COL6A5: variants seen among roughly 807,000 people sequenced by gnomAD.
COL6A5 encodes collagen alpha-5(VI) chain.
Under a neutral mutation model 65.6 loss-of-function variants are expected in COL6A5, and 48 were observed. The ratio of observed to expected loss-of-function variants is 0.73; its 90% CI spans 0.58 to 0.93. The LOEUF (loss-of-function observed/expected upper bound fraction) is 0.93, where lower values mean the gene tolerates loss of function less well. Ranked by LOEUF, COL6A5 falls within the 40% of genes least tolerant of loss-of-function variation. The pLI is 0.00. For missense variants in COL6A5, 914 were observed against 928.3 expected (o/e 0.98, Z 0.20); for synonymous variants, 291 against 322.8 (o/e 0.90, Z 1.05).
intron 24 of COL6A5, among the ~76,000 whole-genome samples, chr3:130,418,452 C>T (rs1386423935): frequency 6.6e-6 from 1 of 152,108 alleles, no homozygotes; most frequent in African/African-American, 2.4e-5. Context: ...TTCCATAGCA[C>T]CCTGAACCTT....
At chr3:130,440,368 G>A in exon 3 of COL6A5, 1 of 1,613,492 alleles carries the variant, frequency 6.2e-7, no homozygotes. Flanking sequence ...GGATTGCTTT[G>A]TTGAGCTATT....
At chr3:130,484,148 A>G in exon 8 of COL6A5, 2 of 1,218,216 alleles carry the variant, frequency 1.6e-6, no homozygotes, top group African/African-American at 1.5e-5. Context: ...ACTGTGGTAA[A>G]TGACAGGGAC....
In COL6A5 at chr3:130,471,709, G is replaced by C. The variant is rs779033196; in HGVS notation, c.2328+742G>C. 16 of 1,534,610 alleles carry C rather than the reference G, an allele frequency of 1.0e-5. No individual in the cohort carries two copies. In the South Asian group the frequency reaches 1.7e-4, roughly 16 times the overall value. ...TTCTTCCTGGGATATATGAAATAAAGACAGAAAATGGTGATCTGTTTGATG... is the reference window on the plus strand; with the variant it reads ...TTCTTCCTGGGATATATGAAATAAACACAGAAAATGGTGATCTGTTTGATG... On this transcript the variant is annotated intron_variant, in intron 7 of 7. Transcript: ENST00000512836.
At chr3:130,387,375 A>G (rs1577455144) in intron 5 of COL6A5, among the ~76,000 whole-genome samples, 1 of 152,122 alleles carries the variant, frequency 6.6e-6, no homozygotes, top group Non-Finnish European at 1.5e-5. Flanking sequence ...TCTGTCACAA[A>G]TAGATACCAG....
intron 1 of COL6A5, among the ~76,000 whole-genome samples, chr3:130,360,278 C>T (rs921192425): frequency 5.9e-5 from 9 of 152,064 alleles, no homozygotes; most frequent in Non-Finnish European, 1.2e-4. Flanking sequence ...TTCCTGTACT[C>T]TAATGCCAAT....
chr3:130,476,084 TG>T (rs1309778657), intron 7 of COL6A5, among the ~76,000 whole-genome samples: 6 of 152,206 alleles, frequency 3.9e-5, no homozygotes, highest in African/African-American at 1.4e-4. Context: ...GACCATAGAC[TG>T]GGTGGCTTAA....
intron 29 of COL6A5, among the ~76,000 whole-genome samples, chr3:130,424,786 T>C (rs185190887): frequency 1.3e-5 from 2 of 152,258 alleles, no homozygotes; most frequent in Admixed American, 1.3e-4. Flanking sequence ...TTCCTAGTTA[T>C]GCGAGTGAGA....
intron 8 of COL6A5, among the ~76,000 whole-genome samples, chr3:130,396,329 A>G (rs963896916): frequency 6.6e-6 from 1 of 152,206 alleles, no homozygotes; most frequent in Non-Finnish European, 1.5e-5. Context: ...TAGTCTTTCC[A>G]AACTCTCCAC....
chr3:130,374,399 C>T (rs1048171924), intron 2 of COL6A5, among the ~76,000 whole-genome samples: 2 of 152,094 alleles, frequency 1.3e-5, no homozygotes, highest in African/African-American at 2.4e-5. Flanking sequence ...ATACCTTGCA[C>T]TACCACATTA....
chr3:130,419,786 G>T (rs1937471374), intron 25 of COL6A5, among the ~76,000 whole-genome samples: 1 of 151,994 alleles, frequency 6.6e-6, no homozygotes, highest in East Asian at 2.0e-4. Context: ...GTTGGTCAAA[G>T]TATACAAAAT....
chr3:130,383,317 A>G (rs1936071022), intron 4 of COL6A5, among the ~76,000 whole-genome samples: 1 of 152,094 alleles, frequency 6.6e-6, no homozygotes, highest in Non-Finnish European at 1.5e-5. Flanking sequence ...ACATTTTAAT[A>G]GCAACATGTG....
At chr3:130,395,334 A>T in exon 8 of COL6A5, 1 of 1,550,930 alleles carries the variant, frequency 6.4e-7, no homozygotes, top group Non-Finnish European at 8.7e-7. Flanking sequence ...GGAGATGTTT[A>T]TAAGGAACAT....
intron 5 of COL6A5, 101 bp downstream of exon 5, chr3:130,385,465 G>T (rs1260015738): frequency 8.9e-6 from 11 of 1,234,190 alleles, no homozygotes; most frequent in African/African-American, 1.5e-5. Context: ...CAGTTGTCCG[G>T]ATAACATTTT....
rs910306319 is a variant in COL6A5 at position 130,370,553 on chromosome 3, A to G, written c.-28-3058A>G. On this transcript the variant is annotated intron_variant and NMD_transcript_variant, in intron 1 of 41. Transcript: ENST00000312481. ...GTTCCCAGGCATATATTACTTGCCA[A>G]GGGAATTAAAATAAGCTTATATCTG... is the stretch of plus-strand genomic sequence containing the variant. 1.6e-4 allele frequency among the ~76,000 whole-genome samples: 24 copies of G among 152,336 alleles called. No homozygotes were observed. In the East Asian group the frequency reaches 4.4e-3, roughly 28 times the overall value.
intron 1 of COL6A5, among the ~76,000 whole-genome samples, chr3:130,439,184 C>T (rs906202711): frequency 5.3e-5 from 8 of 152,036 alleles, no homozygotes; most frequent in Non-Finnish European, 8.8e-5. Context: ...CAAATTTAGT[C>T]CAGAATTGCA....
At chr3:130,418,320 C>G (rs557498407) in intron 24 of COL6A5, among the ~76,000 whole-genome samples, 1 of 152,146 alleles carries the variant, frequency 6.6e-6, no homozygotes, top group African/African-American at 2.4e-5. Context: ...ATCACTCTCA[C>G]CCCTTTCTTG....
chr3:130,450,335 A>T (rs1041762602), intron 4 of COL6A5, among the ~76,000 whole-genome samples: 1 of 152,114 alleles, frequency 6.6e-6, no homozygotes, highest in African/African-American at 2.4e-5. Flanking sequence ...ACGTGGGCAA[A>T]CAGTAGGAGC....
intron 1 of COL6A5, among the ~76,000 whole-genome samples, chr3:130,435,780 G>C (rs1938014615): frequency 6.6e-6 from 1 of 152,084 alleles, no homozygotes; most frequent in African/African-American, 2.4e-5. Flanking sequence ...TTTGCACATC[G>C]ATTTTGTATC....
chr3:130,398,262 C>G (rs921719970), intron 10 of COL6A5, among the ~76,000 whole-genome samples, 151 bp downstream of exon 10: 3 of 151,466 alleles, frequency 2.0e-5, no homozygotes, highest in African/African-American at 7.3e-5. Flanking sequence ...TCCTGAGTAG[C>G]TGGGACTACA....
Sources: allele counts gnomAD v4.1 joint callset (sites outside exome capture counted in the v4.1 genomes callset), GRCh38; gene constraint gnomAD v4.1.1; transcripts MANE v1.5; gene names NCBI Gene and HGNC (gene_info 2026-07-23, HGNC 2026-07-21).